Variants in FABP3 observed in about 807,000 individuals in gnomAD.
FABP3 encodes the protein fatty acid-binding protein, heart.
In FABP3, 8 loss-of-function variants were observed where a neutral mutation model predicts 13.4. That is an observed-to-expected ratio of 0.60 (90% confidence interval 0.35 to 1.07). The LOEUF is 1.07. Ranked by LOEUF, FABP3 falls within the 50% of genes least tolerant of loss-of-function variation. FABP3 has a pLI of 0.02. For missense variants in FABP3, 135 were observed against 164.7 expected (o/e 0.82, Z 0.99); for synonymous variants, 64 against 60.0 (o/e 1.07, Z -0.31).
chr1:31,363,069 C>T (rs750198607), downstream of FABP3, among the ~76,000 whole-genome samples: 6 of 151,978 alleles, frequency 3.9e-5, no homozygotes, highest in South Asian at 2.1e-4. Context: ...ATATGTTATA[C>T]GCACTGGAAC....
chr1:31,369,326 C>G, intron 2 of FABP3, 59 bp downstream of exon 2: 2 of 1,566,686 alleles, frequency 1.3e-6, no homozygotes, highest in Non-Finnish European at 1.7e-6. Flanking sequence ...AGACTACCAG[C>G]CTATTCTCTT....
At chr1:31,369,126 C>T (rs1426274545) in intron 2 of FABP3, 1 of 448,300 alleles carries the variant, frequency 2.2e-6, no homozygotes, top group South Asian at 4.4e-5. Flanking sequence ...GAAGAACATC[C>T]TGGCTCTGTG....
chr1:31,367,258 C>T, intron 3 of FABP3, 135 bp downstream of exon 3: 1 of 760,856 alleles, frequency 1.3e-6, no homozygotes, highest in Non-Finnish European at 2.3e-6. Context: ...CACCTGATAC[C>T]ACCCTGACCC....
chr1:31,369,294 AGG>A, intron 2 of FABP3, 89 bp downstream of exon 2: 17 of 1,333,706 alleles, frequency 1.3e-5, no homozygotes, highest in Non-Finnish European at 1.8e-5. Flanking sequence ...TCTGCCCCTC[AGG>A]GTGCAATACC....
At position 31,365,358 on chromosome 1, in the gene FABP3, G is replaced by A. The variant is rs1280047901; in HGVS notation, c.*528C>T. On this transcript the variant is annotated 3_prime_UTR_variant, in exon 4 of 4. Transcript: ENST00000373713. ...CCAGACCCAAGAGCTTTCAGTGTAG[G>A]ATGGGCCTGAAGTGACAGTTCAATA... 6.6e-6 allele frequency among the ~76,000 whole-genome samples: 1 copy of A among 152,214 alleles called. No homozygotes were observed. The highest frequency in any genetic ancestry group is 1.5e-5 in the Non-Finnish European group (1 of 68,042).
chr1:31,360,807 A>G (rs1175678168), downstream of FABP3, among the ~76,000 whole-genome samples: 1 of 152,192 alleles, frequency 6.6e-6, no homozygotes, highest in Non-Finnish European at 1.5e-5. Context: ...CTCACTTTAC[A>G]TTTCTGAGTT....
chr1:31,359,853 T>C, the FABP3 span, among the ~76,000 whole-genome samples: 1 of 151,588 alleles, frequency 6.6e-6, no homozygotes, highest in African/African-American at 2.4e-5. Context: ...ATCCATGTCA[T>C]TTTTTTTTAA....
chr1:31,371,737 G>A (rs775439620), intron 1 of FABP3, among the ~76,000 whole-genome samples: 5 of 152,306 alleles, frequency 3.3e-5, no homozygotes, highest in Middle Eastern at 6.8e-3. Context: ...GGCTGTGTTC[G>A]TGGGGGCTGG....
At chr1:31,367,262 C>T in intron 3 of FABP3, 131 bp downstream of exon 3, 1 of 785,450 alleles carries the variant, frequency 1.3e-6, no homozygotes, top group Non-Finnish European at 2.2e-6. Context: ...TGATACCACC[C>T]TGACCCACAA....
At chr1:31,364,836 C>A (rs41263944), downstream of FABP3, 18,240 of 152,374 alleles carry the variant, frequency 0.12, 1,233 homozygotes, top group Non-Finnish European at 0.15. Context: ...AAGCCAAGAT[C>A]ATTGTTCTAC....
chr1:31,360,577 C>A (rs983653823), downstream of FABP3, among the ~76,000 whole-genome samples: 1 of 152,200 alleles, frequency 6.6e-6, no homozygotes, highest in Non-Finnish European at 1.5e-5. Flanking sequence ...GTTCAGGCTG[C>A]AAAACAGCTT....
chr1:31,372,868 G>A, intron 1 of FABP3, 74 bp downstream of exon 1: 1 of 1,390,192 alleles, frequency 7.2e-7, no homozygotes, highest in Non-Finnish European at 1.0e-6. Flanking sequence ...GGATGCGGCA[G>A]GAGTGCTGCG....
chr1:31,364,179 A>C (rs1398772230), downstream of FABP3: 5 of 1,613,420 alleles, frequency 3.1e-6, no homozygotes, highest in Middle Eastern at 1.7e-4. Flanking sequence ...GCACAAGAAG[A>C]AGCACAAGGA....
chr1:31,367,092 C>G (rs1202666626), intron 3 of FABP3, among the ~76,000 whole-genome samples: 1 of 152,222 alleles, frequency 6.6e-6, no homozygotes, highest in Non-Finnish European at 1.5e-5. Context: ...TACACTGTCT[C>G]TTACAGGCTT....
chr1:31,361,227 T>C (rs1243366349), downstream of FABP3, among the ~76,000 whole-genome samples: 1 of 152,228 alleles, frequency 6.6e-6, no homozygotes, highest in African/African-American at 2.4e-5. Context: ...GCCTTCTCTC[T>C]ACTCCATTGG....
downstream of FABP3, among the ~76,000 whole-genome samples, chr1:31,362,102 G>A (rs1343334570): frequency 1.3e-5 from 2 of 152,136 alleles, no homozygotes; most frequent in African/African-American, 4.8e-5. Context: ...GAGCCACCGC[G>A]CCCAGCCAGT....
downstream of FABP3, among the ~76,000 whole-genome samples, chr1:31,363,128 A>G (rs1483668416): frequency 2.3e-5 from 3 of 127,820 alleles, no homozygotes; most frequent in Non-Finnish European, 3.4e-5. Context: ...TGTTTTAGCT[A>G]TTTTTTTCTT....
chr1:31,364,374 C>G (rs1049794491), downstream of FABP3: 62 of 1,106,722 alleles, frequency 5.6e-5, no homozygotes, highest in Non-Finnish European at 6.6e-5. Flanking sequence ...AAGCAGCTGC[C>G]TGAATGAGTT....
At chr1:31,371,797 G>A (rs984277840) in intron 1 of FABP3, among the ~76,000 whole-genome samples, 4 of 152,186 alleles carry the variant, frequency 2.6e-5, no homozygotes, top group South Asian at 2.1e-4. Context: ...TGGGCATAGC[G>A]CCCAAGATAG....
Sources: allele counts gnomAD v4.1 joint callset (sites outside exome capture counted in the v4.1 genomes callset), GRCh38; gene constraint gnomAD v4.1.1; transcripts MANE v1.5; gene names NCBI Gene and HGNC (gene_info 2026-07-23, HGNC 2026-07-21).